RANBP17: variants seen among roughly 807,000 people sequenced by gnomAD.
RANBP17 encodes RAN binding protein 17.
RANBP17 carries 158 observed loss-of-function variants against 141.2 expected under a neutral mutation model. The ratio of observed to expected loss-of-function variants is 1.12; its 90% CI spans 0.98 to 1.28. The LOEUF is 1.28. Among genes scored for constraint, RANBP17 ranks in the 50% most tolerant of loss-of-function variants. The probability of loss-of-function intolerance (pLI) is 0.00; values close to 1 mark genes in which losing one functional copy is unlikely to be tolerated. For synonymous variants in RANBP17, 430 were observed against 450.0 expected, an observed-to-expected ratio of 0.96 and a Z score of 0.56; for missense variants, 1,438 against 1,290.7, an observed-to-expected ratio of 1.11 and a Z score of -1.75.
intron 14 of RANBP17, among the ~76,000 whole-genome samples, chr5:171,064,769 C>A (rs764117781): frequency 9.2e-5 from 14 of 152,192 alleles, no homozygotes; most frequent in Non-Finnish European, 1.2e-4. Flanking sequence ...GATCTGCCTG[C>A]TTCTGCCTCC....
chr5:170,955,007 G>A (rs1775506894), intron 13 of RANBP17, among the ~76,000 whole-genome samples: 2 of 152,132 alleles, frequency 1.3e-5, no homozygotes. Context: ...TCATAGGAGG[G>A]TGAACCCTAA....
intron 2 of RANBP17, among the ~76,000 whole-genome samples, chr5:170,879,064 A>G (rs540519227): frequency 2.0e-5 from 3 of 152,258 alleles, no homozygotes; most frequent in African/African-American, 4.8e-5. Flanking sequence ...TTTTCTATTA[A>G]TAACTGGAGT....
At chr5:171,209,703 G>A (rs1358201438) in intron 20 of RANBP17, among the ~76,000 whole-genome samples, 1 of 152,212 alleles carries the variant, frequency 6.6e-6, no homozygotes, top group Non-Finnish European at 1.5e-5. Context: ...CTTCTCAAGA[G>A]AAGTGAAAGT....
intron 14 of RANBP17, among the ~76,000 whole-genome samples, chr5:170,991,343 G>A (rs745388243): frequency 2.0e-5 from 3 of 151,882 alleles, no homozygotes; most frequent in Non-Finnish European, 2.9e-5. Context: ...ACTGCATATA[G>A]TCTCTGTTAT....
At chr5:171,239,871 C>A (rs143159741) in intron 22 of RANBP17, among the ~76,000 whole-genome samples, 1 of 152,264 alleles carries the variant, frequency 6.6e-6, no homozygotes, top group African/African-American at 2.4e-5. Flanking sequence ...GCATTTCTAC[C>A]TGTTACTCTT....
intron 24 of RANBP17, among the ~76,000 whole-genome samples, chr5:171,249,423 T>A (rs140589540): frequency 6.6e-6 from 1 of 152,136 alleles, no homozygotes; most frequent in South Asian, 2.1e-4. Context: ...CAGCAATAGA[T>A]CTTACTCAAA....
intron 1 of RANBP17, among the ~76,000 whole-genome samples, chr5:170,866,181 C>A (rs1314921338): frequency 1.3e-5 from 2 of 152,076 alleles, no homozygotes; most frequent in African/African-American, 4.8e-5. Context: ...GTATGGCCAG[C>A]CCCTCCCCTA....
chr5:170,968,301 T>C lies in RANBP17; in HGVS notation c.1634T>C (p.Ile545Thr), dbSNP rs1383267056. 6.2e-7 allele frequency: 1 copy of C among 1,608,884 alleles called. No individual in the cohort carries two copies. The highest frequency in any genetic ancestry group is 1.3e-5 in the African/African-American group (1 of 74,666). The change falls in exon 14 of 28, where the codon ATA (isoleucine) becomes ACA (threonine). Residue 545 changes from isoleucine to threonine, a missense_variant. Coordinates refer to ENST00000523189, the MANE Select transcript of RANBP17 (RefSeq NM_022897.5). The stretch of plus-strand genomic sequence containing the variant: ...TTGCCTCGATGTTGTAATGAGAAAA[T>C]AGAGCTTGCAATTCTGTGGTTCTTG... ...TGLPRCCNEK[I>T]ELAILWFLDQ...
Position 171,084,035 on chromosome 5 carries a change from T to G in RANBP17, c.1711-86095T>G, listed in dbSNP as rs1393878061. On this transcript the variant is annotated intron_variant, in intron 14 of 27. Coordinates refer to ENST00000523189, the MANE Select transcript of RANBP17 (RefSeq NM_022897.5). ...TGCAGGTTAGTTACATATGTATACA[T>G]GTGCCATGCTGGTGCGCTGCACCCA... Among the ~76,000 whole-genome samples, 7 of 150,496 alleles carry G rather than the reference T, an allele frequency of 4.7e-5. No individual in the cohort carries two copies. In the East Asian group the frequency reaches 1.4e-3, roughly 30 times the overall value.
At chr5:170,994,569 A>G (rs889120243) in intron 14 of RANBP17, among the ~76,000 whole-genome samples, 2 of 152,200 alleles carry the variant, frequency 1.3e-5, no homozygotes, top group Non-Finnish European at 2.9e-5. Flanking sequence ...TGGGAGAAAG[A>G]TGATTAAATA....
chr5:171,295,759 C>G (rs1181623768), intron 26 of RANBP17, 128 bp from the exon 27 acceptor site: 39 of 950,984 alleles, frequency 4.1e-5, no homozygotes, highest in Non-Finnish European at 5.7e-5. Context: ...TCAAAGTGGA[C>G]CTAGACAAAA....
At chr5:171,075,456 A>C (rs1451627549) in intron 14 of RANBP17, among the ~76,000 whole-genome samples, 1 of 152,224 alleles carries the variant, frequency 6.6e-6, no homozygotes, top group African/African-American at 2.4e-5. Context: ...CCCATGTGTT[A>C]TATAGATTTC....
At chr5:171,209,169 A>G (rs186416406) in intron 20 of RANBP17, among the ~76,000 whole-genome samples, 33 of 152,266 alleles carry the variant, frequency 2.2e-4, no homozygotes, top group Admixed American at 1.2e-3. Flanking sequence ...TTAACCAAAT[A>G]AGTAGGATTG....
chr5:170,908,608 C>T (rs911746391), intron 5 of RANBP17, among the ~76,000 whole-genome samples: 4 of 150,442 alleles, frequency 2.7e-5, no homozygotes, highest in African/African-American at 4.9e-5. Context: ...CAATATACCC[C>T]AGGCAACAAA....
intron 14 of RANBP17, among the ~76,000 whole-genome samples, chr5:171,008,577 A>G (rs1779815577): frequency 6.6e-6 from 1 of 152,240 alleles, no homozygotes; most frequent in Admixed American, 6.5e-5. Flanking sequence ...CAGTGGAGTT[A>G]GGAGCAATGT....
At chr5:171,025,228 G>A (rs1325312904) in intron 14 of RANBP17, among the ~76,000 whole-genome samples, 2 of 152,208 alleles carry the variant, frequency 1.3e-5, no homozygotes, top group East Asian at 1.9e-4. Flanking sequence ...GTGGTTCATT[G>A]GACACCATAG....
intron 14 of RANBP17, among the ~76,000 whole-genome samples, chr5:171,005,658 A>C (rs1241256909): frequency 2.6e-5 from 4 of 152,146 alleles, no homozygotes; most frequent in Admixed American, 6.5e-5. Context: ...AAAACCTAGG[A>C]AATACCATTC....
At chr5:171,119,119 T>C (rs1203512114) in intron 14 of RANBP17, among the ~76,000 whole-genome samples, 1 of 152,222 alleles carries the variant, frequency 6.6e-6, no homozygotes, top group Non-Finnish European at 1.5e-5. Flanking sequence ...ATTGAGAATT[T>C]TTATCATGAA....
intron 13 of RANBP17, among the ~76,000 whole-genome samples, chr5:170,960,382 C>A (rs1466556174): frequency 6.6e-6 from 1 of 152,270 alleles, no homozygotes; most frequent in Non-Finnish European, 1.5e-5. Flanking sequence ...GATGTTGTAT[C>A]CCACATGCAC....
Sources: allele counts gnomAD v4.1 joint callset (sites outside exome capture counted in the v4.1 genomes callset), GRCh38; gene constraint gnomAD v4.1.1; transcripts MANE v1.5; gene names NCBI Gene and HGNC (gene_info 2026-07-23, HGNC 2026-07-21).